Variants in STK3 observed in about 807,000 individuals in gnomAD.
The protein encoded by STK3 is serine/threonine kinase 3, also known as serine/threonine-protein kinase 3.
Under a neutral mutation model 58.0 loss-of-function variants are expected in STK3, and 41 were observed. That is an observed-to-expected ratio of 0.71 (90% CI 0.55 to 0.92). The LOEUF (loss-of-function observed/expected upper bound fraction) is 0.92, where lower values mean the gene tolerates loss of function less well. Among genes scored for constraint, STK3 ranks in the 40% least tolerant of loss-of-function variants. The pLI, the probability that STK3 is intolerant of heterozygous loss-of-function variation, is 0.00. For missense variants in STK3, 479 were observed against 602.7 expected (o/e 0.79, Z 2.15); for synonymous variants, 170 against 191.0 (o/e 0.89, Z 0.91).
At chr8:98,527,930 T>C (rs1586784295) in intron 9 of STK3, among the ~76,000 whole-genome samples, 2 of 152,282 alleles carry the variant, frequency 1.3e-5, no homozygotes, top group South Asian at 2.1e-4. Context: ...CCTTCAAACC[T>C]ACAGCTCCCC....
intron 3 of STK3, among the ~76,000 whole-genome samples, chr8:98,403,657 G>C (rs1319747412): frequency 2.0e-5 from 3 of 152,150 alleles, no homozygotes; most frequent in African/African-American, 7.2e-5. Flanking sequence ...GTGTCCCTCT[G>C]GCCTGCCCTA....
the STK3 span, among the ~76,000 whole-genome samples, chr8:98,358,429 T>C: frequency 6.6e-6 from 1 of 152,196 alleles, no homozygotes; most frequent in Non-Finnish European, 1.5e-5. Flanking sequence ...TTGTGCTTTA[T>C]CCTGAGGGCA....
chr8:98,458,338 G>T (rs967225351), intron 10 of STK3, among the ~76,000 whole-genome samples: 4 of 152,104 alleles, frequency 2.6e-5, no homozygotes, highest in African/African-American at 9.7e-5. Flanking sequence ...TTTGTGTCAT[G>T]CATGATTTCT....
At chr8:98,419,646 T>C (rs1444912930) in intron 3 of STK3, among the ~76,000 whole-genome samples, 2 of 152,224 alleles carry the variant, frequency 1.3e-5, no homozygotes, top group Non-Finnish European at 2.9e-5. Context: ...AGGACTTTCC[T>C]GTGCCCCCTG....
intron 1 of STK3, among the ~76,000 whole-genome samples, chr8:98,897,466 G>A (rs1838497318): frequency 6.6e-6 from 1 of 151,640 alleles, no homozygotes; most frequent in Non-Finnish European, 1.5e-5. Context: ...CGGAGGCTGA[G>A]GCAGGAGAAT....
intron 7 of STK3, among the ~76,000 whole-genome samples, chr8:98,587,529 A>G (rs775655184): frequency 2.6e-5 from 4 of 152,118 alleles, no homozygotes; most frequent in Non-Finnish European, 5.9e-5. Flanking sequence ...TATGTGGTCA[A>G]TTTTGGAATA....
chr8:98,357,678 G>A, the STK3 span, among the ~76,000 whole-genome samples: 1 of 152,202 alleles, frequency 6.6e-6, no homozygotes. Context: ...CCTTCTAATG[G>A]AGGGCGTGTT....
rs79066486 is a variant in STK3, at chr8:98,440,495, A to G, written n.186-3287T>C. Among the ~76,000 whole-genome samples the G allele has an allele frequency of 6.6e-5, 10 of 152,292 alleles. No homozygotes were observed. In the East Asian group the frequency reaches 1.9e-3, roughly 29 times the overall value. On this transcript the variant is annotated intron_variant and non_coding_transcript_variant, in intron 1 of 3. Transcript: ENST00000517832. The stretch of plus-strand genomic sequence containing the variant: ...AAAACAAAAACTCTGTGCCCAGTAA[A>G]CAATAGTTCCTCATTCCCCAATCCC...
chr8:98,747,789 T>C (rs1279164011), intron 4 of STK3, among the ~76,000 whole-genome samples: 2 of 152,176 alleles, frequency 1.3e-5, no homozygotes, highest in Non-Finnish European at 2.9e-5. Flanking sequence ...ATATGGAAAT[T>C]AGACTCTTAC....
chr8:98,617,226 G>A (rs1242037976), intron 6 of STK3, among the ~76,000 whole-genome samples: 19 of 149,962 alleles, frequency 1.3e-4, no homozygotes, highest in Admixed American at 2.7e-4. Context: ...GGTACATAAC[G>A]AAATGAAGGC....
chr8:98,660,162 T>C (rs149978304), intron 6 of STK3, among the ~76,000 whole-genome samples: 17 of 152,060 alleles, frequency 1.1e-4, no homozygotes, highest in East Asian at 3.9e-4. Flanking sequence ...AATAAGCCCA[T>C]TGCAAAAAGA....
chr8:98,441,505 G>A (rs1224819146), intron 1 of STK3, among the ~76,000 whole-genome samples: 2 of 152,178 alleles, frequency 1.3e-5, no homozygotes, highest in Non-Finnish European at 2.9e-5. Context: ...CTGGCAAGTG[G>A]CAGAGCTGGG....
chr8:98,859,652 G>A (rs571896164), intron 3 of STK3, among the ~76,000 whole-genome samples: 4 of 152,254 alleles, frequency 2.6e-5, no homozygotes, highest in East Asian at 3.9e-4. Context: ...ATTTGGCTCC[G>A]AGACCCAGAA....
intron 3 of STK3, among the ~76,000 whole-genome samples, chr8:98,407,976 A>C (rs1187853489): frequency 2.0e-5 from 3 of 152,194 alleles, no homozygotes; most frequent in African/African-American, 7.2e-5. Context: ...ACTCGCAGTG[A>C]ACCTGCAAGT....
At chr8:98,376,812 T>C (rs889293742) in intron 2 of STK3, among the ~76,000 whole-genome samples, 2 of 152,238 alleles carry the variant, frequency 1.3e-5, no homozygotes, top group Non-Finnish European at 2.9e-5. Context: ...GTGTATGATT[T>C]GTGAGGAATA....
chr8:98,711,517 T>C (rs1056633653), intron 4 of STK3, among the ~76,000 whole-genome samples: 1 of 152,126 alleles, frequency 6.6e-6, no homozygotes, highest in East Asian at 1.9e-4. Context: ...TTCAATCAAC[T>C]GGAAGAAAGG....
chr8:98,924,770 G>A (rs1839717918), intron 1 of STK3, among the ~76,000 whole-genome samples: 1 of 152,200 alleles, frequency 6.6e-6, no homozygotes, highest in Admixed American at 6.5e-5. Flanking sequence ...GGTAAACTCA[G>A]TATTAGAAGC....
intron 4 of STK3, among the ~76,000 whole-genome samples, chr8:98,724,286 C>CTA (rs2131204988): frequency 6.6e-6 from 1 of 152,310 alleles, no homozygotes; most frequent in Admixed American, 6.5e-5. Context: ...CCTCGACCAT[C>CTA]TACCTTACCA....
intron 10 of STK3, among the ~76,000 whole-genome samples, chr8:98,477,269 CA>C (rs199704909): frequency 0.022 from 3,280 of 152,240 alleles, 47 homozygotes; most frequent in Non-Finnish European, 0.035. Context: ...CATTTCCTTA[CA>C]AAGGCTCCTT....
Sources: gnomAD v4.1 joint callset for allele counts (sites outside exome capture counted in the v4.1 genomes callset) on GRCh38, gnomAD v4.1.1 for gene constraint, MANE v1.5 for transcripts, NCBI Gene and HGNC (gene_info 2026-07-23, HGNC 2026-07-21) for gene names.